The following SH3TC2 variants were observed in gnomAD, a reference collection of about 807,000 sequenced individuals.
The protein encoded by SH3TC2 is SH3 domain and tetratricopeptide repeats 2.
SH3TC2 carries 87 observed loss-of-function variants against 124.5 expected under a neutral mutation model. That is an observed-to-expected ratio of 0.70 (90% CI 0.59 to 0.84). The LOEUF is 0.84. SH3TC2 is among the 40% of genes least tolerant of loss of function. The pLI is 0.00. For synonymous variants in SH3TC2, 634 were observed against 628.5 expected (o/e 1.01, Z -0.13); for missense variants, 1,536 against 1,566.4 (o/e 0.98, Z 0.33).
At chr5:149,029,263 G>T (rs1411937721) in intron 9 of SH3TC2, among the ~76,000 whole-genome samples, 1 of 152,212 alleles carries the variant, frequency 6.6e-6, no homozygotes, top group Admixed American at 6.5e-5. Flanking sequence ...GCTGGACACT[G>T]TGTTTGTAAA....
At chr5:149,025,768 T>A (rs1754052634) in intron 12 of SH3TC2, 1 of 152,068 alleles carries the variant, frequency 6.6e-6, no homozygotes, top group Non-Finnish European at 1.5e-5. Flanking sequence ...TTAAAGGAGG[T>A]ATTTGGGTTA....
intron 12 of SH3TC2, among the ~76,000 whole-genome samples, chr5:149,017,267 A>G (rs982462190): frequency 3.9e-5 from 6 of 152,198 alleles, no homozygotes; most frequent in African/African-American, 1.4e-4. Flanking sequence ...AGAGCCACAG[A>G]GTTCTCATGG....
chr5:149,050,329 GATA>G (rs1359810481), intron 2 of SH3TC2, among the ~76,000 whole-genome samples: 2 of 152,152 alleles, frequency 1.3e-5, no homozygotes, highest in Non-Finnish European at 2.9e-5. Context: ...CTGTAATTGT[GATA>G]ATATGTCTGA....
chr5:149,026,635 CG>C lies in SH3TC2; in HGVS notation c.2989del (p.Arg997GlyfsTer18), dbSNP rs1174949678. ...CTCCAGCAGCCTCCCTTCCATCTCC[CG>C]GTCCCTGAGTTGCTGAGCCAGGGCC... ...WLALAQQLRD[R>X]EMEGRLLESL... On this transcript the variant is annotated frameshift_variant, in exon 12 of 17. Coordinates refer to ENST00000515425, the MANE Select transcript of SH3TC2 (RefSeq NM_024577.4). LOFTEE classifies it high-confidence loss of function. 1.2e-6 allele frequency: 2 copies of C among 1,614,184 alleles called. No individual in the cohort carries two copies. The highest frequency in any genetic ancestry group is 2.2e-5 in the East Asian group (1 of 44,878).
chr5:149,022,110 C>T (rs954882921), intron 12 of SH3TC2, among the ~76,000 whole-genome samples: 7 of 151,780 alleles, frequency 4.6e-5, no homozygotes, highest in Admixed American at 3.3e-4. Flanking sequence ...AAATGACAAC[C>T]CATGGGCTGG....
Position 148,999,606 on chromosome 5 carries a change from T to C in SH3TC2, c.*5105A>G, listed in dbSNP as rs1449109387. Among the ~76,000 whole-genome samples, 2 of 152,170 alleles carry C rather than the reference T, an allele frequency of 1.3e-5. No individual in the cohort carries two copies. Among genetic ancestry groups the C allele is most frequent in the African/African-American group, 4.8e-5 (2 of 41,428 alleles). ...GAAACCGTCATAGACCAGAGATGCA[T>C]AGGGAAATATGGCAACTAAATCCAA... On this transcript the variant is annotated 3_prime_UTR_variant, in exon 17 of 17. Transcript: ENST00000515425.
At chr5:149,020,135 C>CACACACACAT (rs1753945030) in intron 12 of SH3TC2, among the ~76,000 whole-genome samples, 1 of 151,712 alleles carries the variant, frequency 6.6e-6, no homozygotes, top group Non-Finnish European at 1.5e-5. Flanking sequence ...CACACACACA[C>CACACACACAT]ACACACACTA....
chr5:148,996,459 G>T lies in SH3TC2; in HGVS notation c.*8252C>A, dbSNP rs1056363091. 5.9e-5 allele frequency among the ~76,000 whole-genome samples: 9 copies of T among 152,106 alleles called. No homozygotes were observed. The highest frequency in any genetic ancestry group is 2.2e-4 in the African/African-American group (9 of 41,412). On this transcript the variant is annotated 3_prime_UTR_variant, in exon 17 of 17. Transcript: ENST00000515425. ...CTATCCTTTCCCTCCACCCACTACA[G>T]CCCCAAAGCTACATGTTCTAGAACA...
intron 4 of SH3TC2, chr5:149,044,108 C>T: frequency 5.3e-6 from 1 of 187,578 alleles, no homozygotes; most frequent in Non-Finnish European, 1.1e-5. Context: ...AACTCTTTTC[C>T]AAATACATGC....
Position 149,062,955 on chromosome 5 carries a change from C to T in SH3TC2, c.52+16G>A, listed in dbSNP as rs1402343277. 2.5e-6 allele frequency: 4 copies of T among 1,579,924 alleles called. No individual in the cohort carries two copies. Among genetic ancestry groups the T allele is most frequent in the African/African-American group, 2.7e-5 (2 of 74,232 alleles). On this transcript the variant is annotated intron_variant, in intron 1 of 16. Transcript: ENST00000515425. ...TTTGGCCAAGCCACAGGCCAAGGGC[C>T]CCCTGGGAAACTCACCTGGGCCCCG...
At position 149,004,776 on chromosome 5, in the gene SH3TC2, T is replaced by C; in HGVS notation, c.3802A>G (p.Ser1268Gly). The C allele has an allele frequency of 6.2e-7, 1 of 1,614,126 alleles. No individual in the cohort carries two copies. The highest frequency in any genetic ancestry group is 8.5e-7 in the Non-Finnish European group (1 of 1,180,034). Reference sequence around the variant, plus strand: ...TCTGAGGAGCACCCGGAGGGCCTGCTGTGCCACAGGGGGCTCTGGCAGATG... The same window carrying C: ...TCTGAGGAGCACCCGGAGGGCCTGCCGTGCCACAGGGGGCTCTGGCAGATG... ...DNICQSPLWHSRPSGCSSERA... is the reference protein window; with the variant it reads ...DNICQSPLWHGRPSGCSSERA... The change falls in exon 17 of 17, where the codon AGC becomes GGC. Residue 1268 changes from serine to glycine, a missense_variant. By Grantham distance (56) the Ser-to-Gly change is moderately conservative (BLOSUM62 0). Transcript: ENST00000515425.
intron 5 of SH3TC2, 57 bp downstream of exon 5, chr5:149,042,637 G>A: frequency 6.2e-7 from 1 of 1,605,480 alleles, no homozygotes; most frequent in South Asian, 1.1e-5. Context: ...TTATTTCATG[G>A]CCTCTGGTAG....
intron 2 of SH3TC2, 85 bp from the exon 3 acceptor site, chr5:149,048,074 C>A: frequency 6.3e-7 from 1 of 1,575,778 alleles, no homozygotes; most frequent in Non-Finnish European, 8.7e-7. Flanking sequence ...GTTTCCCCTA[C>A]ATGTATACCT....
intron 1 of SH3TC2, chr5:149,062,321 A>G: frequency 1.9e-6 from 1 of 530,838 alleles, no homozygotes; most frequent in Non-Finnish European, 3.9e-6. Flanking sequence ...AGGTTGCTTC[A>G]GGGAGACCAA....
At chr5:149,017,312 TTG>T (rs201539759) in intron 12 of SH3TC2, among the ~76,000 whole-genome samples, 2,523 of 152,268 alleles carry the variant, frequency 0.017, 34 homozygotes, top group Middle Eastern at 0.027. Context: ...CCAGTCTGTG[TTG>T]TGTCACCTCA....
At chr5:149,038,663 C>T (rs1387874573) in intron 7 of SH3TC2, among the ~76,000 whole-genome samples, 173 bp from the exon 8 acceptor site, 4 of 152,232 alleles carry the variant, frequency 2.6e-5, no homozygotes, top group Non-Finnish European at 5.9e-5. Flanking sequence ...GGACAATTTG[C>T]TTTTCATTTT....
intron 3 of SH3TC2, 35 bp from the exon 4 acceptor site, chr5:149,044,673 A>G (rs372724479): frequency 6.5e-7 from 1 of 1,528,352 alleles, no homozygotes; most frequent in African/African-American, 1.4e-5. Context: ...GCCTGGGATG[A>G]CAGAAGTGTC....
At chr5:149,054,106 GTGAT>G (rs1754602928) in intron 1 of SH3TC2, among the ~76,000 whole-genome samples, 2 of 152,102 alleles carry the variant, frequency 1.3e-5, no homozygotes, top group Admixed American at 1.3e-4. Context: ...TTACCCTGAT[GTGAT>G]TATTACCCAT....
At chr5:149,035,394 C>T (rs74912496) in intron 8 of SH3TC2, 3 of 152,382 alleles carry the variant, frequency 2.0e-5, no homozygotes, top group African/African-American at 7.2e-5. Flanking sequence ...AAAACCTACA[C>T]GGAGAAGATG....
Sources: gnomAD v4.1 joint callset for allele counts (sites outside exome capture counted in the v4.1 genomes callset) on GRCh38, gnomAD v4.1.1 for gene constraint, MANE v1.5 for transcripts, NCBI Gene and HGNC (gene_info 2026-07-23, HGNC 2026-07-21) for gene names.